The following ZYG11B variants were observed in gnomAD, a reference collection of about 807,000 sequenced individuals.
The protein encoded by ZYG11B is protein zyg-11 homolog B.
ZYG11B carries 36 observed loss-of-function variants against 82.4 expected under a neutral mutation model. The ratio of observed to expected loss-of-function variants is 0.44; its 90% CI spans 0.33 to 0.58. The LOEUF (loss-of-function observed/expected upper bound fraction) is 0.58, where lower values mean the gene tolerates loss of function less well. Among genes scored for constraint, ZYG11B ranks in the 20% least tolerant of loss-of-function variants. The probability of loss-of-function intolerance (pLI) is 0.02; values close to 1 mark genes in which losing one functional copy is unlikely to be tolerated. For synonymous variants in ZYG11B, 303 were observed against 312.8 expected, an observed-to-expected ratio of 0.97 and a Z score of 0.33; for missense variants, 552 against 895.6, an observed-to-expected ratio of 0.62 and a Z score of 4.90.
chr1:52,757,238 C>T (rs1368628717), intron 2 of ZYG11B, among the ~76,000 whole-genome samples: 1 of 151,964 alleles, frequency 6.6e-6, no homozygotes, highest in Non-Finnish European at 1.5e-5. Flanking sequence ...GCCTCAAACT[C>T]CTTTCCTCAA....
chr1:52,806,441 GATGT>G (rs1482768020), intron 10 of ZYG11B, among the ~76,000 whole-genome samples: 4 of 152,270 alleles, frequency 2.6e-5, no homozygotes, highest in Admixed American at 2.0e-4. Context: ...TGTAATTGTA[GATGT>G]ATGTTTCTCC....
chr1:52,790,016 G>T lies in ZYG11B; in HGVS notation c.1283G>T (p.Cys428Phe), dbSNP rs1166198128. Reference protein sequence around the residue: ...FPNHQQLQKNCLLSLCSDRIL... With the variant: ...FPNHQQLQKNFLLSLCSDRIL... ...TTGATTCTTTAGTTACAGAAGAATTGCCTCCTTTCACTTTGCAGTGACCGG... is the reference window on the plus strand; with the variant it reads ...TTGATTCTTTAGTTACAGAAGAATTTCCTCCTTTCACTTTGCAGTGACCGG... The change falls in exon 6 of 14, where the codon TGC becomes TTC. Residue 428 changes from cysteine to phenylalanine, a missense_variant. Coordinates refer to ENST00000294353, the MANE Select transcript of ZYG11B (RefSeq NM_024646.3). 2 of 1,576,194 alleles carry T rather than the reference G, an allele frequency of 1.3e-6. No individual in the cohort carries two copies. The highest frequency in any genetic ancestry group is 1.7e-6 in the Non-Finnish European group (2 of 1,158,488).
chr1:52,778,295 G>A (rs1161973663), intron 3 of ZYG11B, among the ~76,000 whole-genome samples: 1 of 151,942 alleles, frequency 6.6e-6, no homozygotes, highest in Admixed American at 6.6e-5. Flanking sequence ...TATTGTATTT[G>A]TTGATGTTTT....
chr1:52,759,198 C>T (rs1644605739), intron 2 of ZYG11B, among the ~76,000 whole-genome samples: 1 of 152,128 alleles, frequency 6.6e-6, no homozygotes, highest in Non-Finnish European at 1.5e-5. Context: ...TCCCAAAGTG[C>T]TGGGATTACA....
intron 12 of ZYG11B, among the ~76,000 whole-genome samples, chr1:52,814,610 G>C (rs774424959): frequency 1.3e-5 from 2 of 152,096 alleles, no homozygotes; most frequent in African/African-American, 2.4e-5. Flanking sequence ...AGTCCTGGGA[G>C]GATCACTTGA....
chr1:52,777,135 G>A (rs1368615274), intron 3 of ZYG11B, among the ~76,000 whole-genome samples: 1 of 152,074 alleles, frequency 6.6e-6, no homozygotes, highest in African/African-American at 2.4e-5. Flanking sequence ...GCTTGAACCC[G>A]GGAAGTAGAG....
chr1:52,743,481 T>C (rs1644451472), intron 1 of ZYG11B, among the ~76,000 whole-genome samples: 1 of 150,600 alleles, frequency 6.6e-6, no homozygotes, highest in Admixed American at 6.6e-5. Context: ...AATTTATTAC[T>C]GAAGAAAGAC....
chr1:52,825,912 A>C lies in ZYG11B; in HGVS notation c.*4283A>C, dbSNP rs1645321628. The C allele has an allele frequency of 6.6e-6, 1 of 152,164 alleles. No homozygotes were observed. Among genetic ancestry groups the C allele is most frequent in the African/African-American group, 2.4e-5 (1 of 41,438 alleles). 9.4% of individuals were successfully genotyped at this position (152,164 alleles called of 1,614,324 possible). A position where few individuals can be genotyped will look rare whatever the true frequency, so the allele number is the denominator to read the frequency against. On this transcript the variant is annotated 3_prime_UTR_variant, in exon 14 of 14. Coordinates refer to ENST00000294353, the MANE Select transcript of ZYG11B (RefSeq NM_024646.3). ...ATATTTTATGTGCTAAATTAGGTTA[A>C]TTTACCAGAGATTTAGCTTAGTGTT...
chr1:52,734,488 A>G (rs1644361685), intron 1 of ZYG11B, among the ~76,000 whole-genome samples: 1 of 151,366 alleles, frequency 6.6e-6, no homozygotes, highest in South Asian at 2.1e-4. Context: ...AAAAAAAAAT[A>G]AAAAATAAAA....
At chr1:52,734,439 G>GT (rs1355282399) in intron 1 of ZYG11B, among the ~76,000 whole-genome samples, 1 of 109,344 alleles carries the variant, frequency 9.1e-6, no homozygotes, top group East Asian at 3.3e-4. Context: ...TGGAATAAAA[G>GT]GTTTTTTTTT....
chr1:52,801,388 T>G (rs1645074789), intron 8 of ZYG11B, among the ~76,000 whole-genome samples: 1 of 152,186 alleles, frequency 6.6e-6, no homozygotes, highest in Non-Finnish European at 1.5e-5. Flanking sequence ...TAGTTAATAT[T>G]TCTCAGACTC....
intron 1 of ZYG11B, among the ~76,000 whole-genome samples, chr1:52,745,527 G>A (rs1195692851): frequency 6.6e-6 from 1 of 152,108 alleles, no homozygotes; most frequent in Non-Finnish European, 1.5e-5. Flanking sequence ...AAGCATAGGG[G>A]ATATGGAGAT....
chr1:52,793,793 T>C (rs1191744576), intron 6 of ZYG11B, among the ~76,000 whole-genome samples: 2 of 152,070 alleles, frequency 1.3e-5, no homozygotes, highest in Non-Finnish European at 1.5e-5. Flanking sequence ...GCTAAAGTCC[T>C]AGAATGCTTT....
At chr1:52,796,438 A>C in intron 7 of ZYG11B, 47 bp downstream of exon 7, 10 of 1,429,544 alleles carry the variant, frequency 7.0e-6, no homozygotes, top group Non-Finnish European at 8.8e-6. Context: ...GCTGTTTCTC[A>C]CTACATTTAC....
At position 52,726,570 on chromosome 1, in the gene ZYG11B, C is replaced by A; in HGVS notation, c.-84C>A. 1 of 1,303,952 alleles carries A rather than the reference C, an allele frequency of 7.7e-7. No homozygotes were observed. 80.8% of individuals were successfully genotyped at this position (1,303,952 alleles called of 1,614,324 possible). ...GGCCAAGCCCGGAGCCGCCGCTCGC[C>A]GGAGCCTCCTGGAGCCTCCGCGCCG... On this transcript the variant is annotated 5_prime_UTR_variant, in exon 1 of 14. Transcript: ENST00000294353.
At chr1:52,780,139 T>C (rs1644843137) in intron 4 of ZYG11B, 146 bp downstream of exon 4, 1 of 770,712 alleles carries the variant, frequency 1.3e-6, no homozygotes. Flanking sequence ...TCATTAGCTA[T>C]AAACGAGAGA....
At position 52,796,330 on chromosome 1, in the gene ZYG11B, A is replaced by G; in HGVS notation, c.1373A>G (p.Asn458Ser). ...AAGCTTGTCATGCAGTGGCTTTGCAACCATGAGGATCAAAACATGCAAAGG... is the reference window on the plus strand; with the variant it reads ...AAGCTTGTCATGCAGTGGCTTTGCAGCCATGAGGATCAAAACATGCAAAGG... Reference protein sequence around the residue: ...AAKLVMQWLCNHEDQNMQRMA... With the variant: ...AAKLVMQWLCSHEDQNMQRMA... Residue 458 changes from asparagine to serine, a missense_variant, in exon 7 of 14, where the codon AAC becomes AGC. Coordinates refer to ENST00000294353, the MANE Select transcript of ZYG11B (RefSeq NM_024646.3). The G allele has an allele frequency of 6.2e-7, 1 of 1,613,990 alleles. No individual in the cohort carries two copies.
At chr1:52,783,997 T>G (rs12566379) in intron 4 of ZYG11B, among the ~76,000 whole-genome samples, 58,037 of 142,288 alleles carry the variant, frequency 0.41, 11,476 homozygotes, top group East Asian at 0.53. Flanking sequence ...TATATATATA[T>G]AGAGAGAGAG....
chr1:52,797,472 A>G (rs1484299776), intron 8 of ZYG11B, among the ~76,000 whole-genome samples: 1 of 92,704 alleles, frequency 1.1e-5, no homozygotes, highest in Admixed American at 1.6e-4. Flanking sequence ...TATATATATT[A>G]TATATGATAT....
Sources: gnomAD v4.1 joint callset for allele counts (sites outside exome capture counted in the v4.1 genomes callset) on GRCh38, gnomAD v4.1.1 for gene constraint, MANE v1.5 for transcripts, NCBI Gene and HGNC (gene_info 2026-07-23, HGNC 2026-07-21) for gene names.